Variants in NCS1 observed in about 807,000 individuals in gnomAD.
The protein encoded by NCS1 is neuronal calcium sensor 1, also known as frequenin homolog.
NCS1 carries 6 observed loss-of-function variants against 28.4 expected under a neutral mutation model. The observed-to-expected ratio is 0.21, with a 90% CI of 0.12 to 0.42. The LOEUF is 0.42. Ranked by LOEUF, NCS1 falls within the 10% of genes least tolerant of loss-of-function variation. The pLI, the probability that NCS1 is intolerant of heterozygous loss-of-function variation, is 1.00. For missense variants in NCS1, 131 were observed against 241.4 expected (o/e 0.54, Z 3.03); for synonymous variants, 86 against 99.3 (o/e 0.87, Z 0.79).
In NCS1 at chr9:130,226,008, A is replaced by G. The variant is rs1833409441; in HGVS notation, c.475-381A>G. Among the ~76,000 whole-genome samples, 1 of 152,152 alleles carries G rather than the reference A, an allele frequency of 6.6e-6. No individual in the cohort carries two copies. The highest frequency in any genetic ancestry group is 6.5e-5 in the Admixed American group (1 of 15,274). ...TAAATGCCCTTCCAAGAGTGACCCCAGAGAACTGCACGAGGCTCTCAGCCT... is the reference window on the plus strand; with the variant it reads ...TAAATGCCCTTCCAAGAGTGACCCCGGAGAACTGCACGAGGCTCTCAGCCT... On this transcript the variant is annotated intron_variant, in intron 6 of 7. Transcript: ENST00000372398. This position sits in a 1 kb window ranked among gnomAD's most constrained non-coding sequence, Gnocchi z 4.8.
At chr9:130,220,150 G>A (rs1313211763) in intron 4 of NCS1, among the ~76,000 whole-genome samples, 1 of 152,210 alleles carries the variant, frequency 6.6e-6, no homozygotes, top group Non-Finnish European at 1.5e-5. Flanking sequence ...GGCTGCACTC[G>A]GGCAGGTGCA....
chr9:130,224,494 G>A (rs541057293), intron 6 of NCS1, among the ~76,000 whole-genome samples: 6 of 150,640 alleles, frequency 4.0e-5, no homozygotes, highest in Admixed American at 4.0e-4. Flanking sequence ...GGAGGCAGAG[G>A]TTGCAGTGAG....
At chr9:130,221,887 TA>T (rs1262021905) in intron 4 of NCS1, among the ~76,000 whole-genome samples, 642 of 964 alleles carry the variant, frequency 0.67, 272 homozygotes, top group East Asian at 0.97. Flanking sequence ...ACATAATACA[TA>T]AATATAAATT....
At position 130,222,214 on chromosome 9, in the gene NCS1, G is replaced by T. The variant is rs547591516; in HGVS notation, c.308-436G>T. Among the ~76,000 whole-genome samples, 355 of 150,620 alleles carry T rather than the reference G, an allele frequency of 2.4e-3. 3 individuals carry two copies. Among genetic ancestry groups the T allele is most frequent in the Non-Finnish European group, 4.6e-3 (313 of 67,774 alleles). ...CTGTCACCCAGGCTGGAGTGCAGTG[G>T]CTTGATCTCGGCTTATTGCAAACTT... On this transcript the variant is annotated intron_variant, in intron 4 of 7. Transcript: ENST00000372398.
chr9:130,217,746 C>T, intron 2 of NCS1, 86 bp from the exon 3 acceptor site: 9 of 1,596,442 alleles, frequency 5.6e-6, no homozygotes, highest in Non-Finnish European at 7.7e-6. Flanking sequence ...CCACAGCTTT[C>T]CTGGGCCCCG....
intron 1 of NCS1, among the ~76,000 whole-genome samples, chr9:130,189,479 G>A (rs1270046667): frequency 6.6e-6 from 1 of 152,046 alleles, no homozygotes; most frequent in Non-Finnish European, 1.5e-5. Flanking sequence ...TGAGTGCCGG[G>A]GTCGGCTCTG....
rs1833234077 is a variant in NCS1 at position 130,219,199 on chromosome 9, T to C, written c.229-526T>C. 6.6e-6 allele frequency among the ~76,000 whole-genome samples: 1 copy of C among 152,056 alleles called. No homozygotes were observed. The highest frequency in any genetic ancestry group is 6.6e-5 in the Admixed American group (1 of 15,258). ...CCCCTGCTGCTGGCACCGTGGAGGT[T>C]TCTATTCTATCCCATCCCCAGCTTC... is the stretch of plus-strand genomic sequence containing the variant. On this transcript the variant is annotated intron_variant, in intron 3 of 7. Coordinates refer to ENST00000372398, the MANE Select transcript of NCS1 (RefSeq NM_014286.4). This position sits in a 1 kb window ranked among gnomAD's most constrained non-coding sequence, Gnocchi z 5.7.
intron 1 of NCS1, among the ~76,000 whole-genome samples, chr9:130,198,323 G>A (rs1358496626): frequency 6.6e-6 from 1 of 152,166 alleles, no homozygotes; most frequent in Non-Finnish European, 1.5e-5. Flanking sequence ...ATGGGTGGGG[G>A]GTGTCAAGGG....
chr9:130,183,309 G>C (rs797037927), intron 1 of NCS1, among the ~76,000 whole-genome samples: 34 of 114,054 alleles, frequency 3.0e-4, no homozygotes, highest in South Asian at 1.6e-3. Flanking sequence ...ATGCGGCTGG[G>C]GGGGGGAGCT....
Position 130,231,897 on chromosome 9 carries a change from C to A in NCS1, c.*18-1093C>A, listed in dbSNP as rs73545587. On this transcript the variant is annotated intron_variant, in intron 7 of 7. Transcript: ENST00000372398. ...TCCATGAAAAAAAAAAAAAAGGTAG[C>A]CATCCTAGTGGGTGTGAAGTGGTTG... is the stretch of plus-strand genomic sequence containing the variant. 9.9e-3 allele frequency among the ~76,000 whole-genome samples: 1,505 copies of A among 151,780 alleles called. 23 individuals are homozygous for A. The highest frequency in any genetic ancestry group is 0.036 in the East Asian group (185 of 5,172).
At chr9:130,213,052 G>A (rs1013185520) in intron 2 of NCS1, among the ~76,000 whole-genome samples, 6 of 152,190 alleles carry the variant, frequency 3.9e-5, no homozygotes, top group South Asian at 2.1e-4. Context: ...AGGAGGTTAC[G>A]TAATGTTTGG....
At chr9:130,199,686 G>A (rs1355888258) in intron 1 of NCS1, among the ~76,000 whole-genome samples, 2 of 152,212 alleles carry the variant, frequency 1.3e-5, no homozygotes, top group African/African-American at 2.4e-5. Flanking sequence ...CGCCCTGGGC[G>A]CAGATTCGGG....
Position 130,217,681 on chromosome 9 carries a change from G to A in NCS1, c.90-151G>A, listed in dbSNP as rs1448795301. On this transcript the variant is annotated intron_variant, in intron 2 of 7. Transcript: ENST00000372398. ...TAGTGAGAGGCAGAGGTGGGACTGC[G>A]CCTGTGCCTATCAAGTCCATGGCCC... 5 of 1,099,668 alleles carry A rather than the reference G, an allele frequency of 4.5e-6. No homozygotes were observed. The South Asian group carries it at 5.0e-5, about 11-fold the overall frequency. The allele number at this position is 1,099,668 out of a possible 1,614,324, so 68.1% of individuals were successfully genotyped here.
In NCS1 at chr9:130,177,725, C is replaced by G. The variant is rs1227023140; in HGVS notation, c.64+4998C>G. The stretch of plus-strand genomic sequence containing the variant: ...GAAGTCCCTTGGCCTCTCTGAGCAC[C>G]AGCTTGCTCATCCTTCAGACCTGCC... On this transcript the variant is annotated intron_variant, in intron 1 of 7. Transcript: ENST00000372398. This position sits in a 1 kb window ranked among gnomAD's most constrained non-coding sequence, Gnocchi z 4.4. Among the ~76,000 whole-genome samples the G allele has an allele frequency of 1.3e-5, 2 of 152,234 alleles. No homozygotes were observed. Among genetic ancestry groups the G allele is most frequent in the African/African-American group, 4.8e-5 (2 of 41,452 alleles).
intron 2 of NCS1, among the ~76,000 whole-genome samples, chr9:130,203,007 C>G (rs1270407500): frequency 6.7e-6 from 1 of 149,622 alleles, no homozygotes; most frequent in Admixed American, 6.7e-5. Flanking sequence ...CCATAGGCAT[C>G]GAGACTCCAG....
At chr9:130,195,753 T>C (rs1832870321) in intron 1 of NCS1, among the ~76,000 whole-genome samples, 1 of 152,148 alleles carries the variant, frequency 6.6e-6, no homozygotes, top group African/African-American at 2.4e-5. Context: ...TGGATGGGGT[T>C]TCCCTGGGTG....
chr9:130,221,411 TATAGAGAGAGAGAG>T (rs1240971584), intron 4 of NCS1, among the ~76,000 whole-genome samples: 7 of 51,988 alleles, frequency 1.3e-4, no homozygotes, highest in East Asian at 1.1e-3. Flanking sequence ...TATATATATA[TATAGAGAGAGAGAG>T]AGAGAGAGAG....
intron 1 of NCS1, among the ~76,000 whole-genome samples, chr9:130,195,752 T>G (rs78535405): frequency 0.04 from 6,019 of 152,146 alleles, 391 homozygotes; most frequent in African/African-American, 0.13. Flanking sequence ...ATGGATGGGG[T>G]TTCCCTGGGT....
intron 6 of NCS1, among the ~76,000 whole-genome samples, chr9:130,224,365 C>T (rs1833381678): frequency 6.9e-6 from 1 of 144,516 alleles, no homozygotes; most frequent in Admixed American, 7.0e-5. Context: ...GCACTCCAGC[C>T]TGGGCAACAG....
Sources: gnomAD v4.1 joint callset for allele counts (sites outside exome capture counted in the v4.1 genomes callset) on GRCh38, gnomAD v4.1.1 for gene constraint, Gnocchi (gnomAD v3.1) non-coding constraint, MANE v1.5 for transcripts, NCBI Gene and HGNC (gene_info 2026-07-23, HGNC 2026-07-21) for gene names.